The following CASD1 variants were observed in gnomAD, a reference collection of about 807,000 sequenced individuals.
The protein encoded by CASD1 is N-acetylneuraminate (7)9-O-acetyltransferase.
A neutral mutation model predicts 100.0 loss-of-function variants in CASD1; 41 were observed. The observed-to-expected ratio is 0.41, with a 90% CI of 0.32 to 0.53. The LOEUF is 0.53. CASD1 is among the 20% of genes least tolerant of loss of function. The probability of loss-of-function intolerance (pLI) is 0.25; values close to 1 mark genes in which losing one functional copy is unlikely to be tolerated. For missense variants in CASD1, 774 were observed against 948.7 expected (o/e 0.82, Z 2.42); for synonymous variants, 321 against 315.6 (o/e 1.02, Z -0.18).
intron 17 of CASD1, 104 bp from the exon 18 acceptor site, chr7:94,555,388 A>G: frequency 8.8e-7 from 1 of 1,136,016 alleles, no homozygotes; most frequent in South Asian, 1.6e-5. Flanking sequence ...GTTTTAGGAA[A>G]GCCTTCTAAT....
chr7:94,521,472 G>A (rs1022400898), intron 3 of CASD1, among the ~76,000 whole-genome samples: 2 of 152,116 alleles, frequency 1.3e-5, no homozygotes, highest in African/African-American at 4.8e-5. Context: ...CACAATTAAA[G>A]TGTTCTAATG....
chr7:94,522,978 G>T (rs552163685), intron 3 of CASD1, among the ~76,000 whole-genome samples: 2 of 152,060 alleles, frequency 1.3e-5, no homozygotes, highest in Non-Finnish European at 2.9e-5. Context: ...TATTTTTAAC[G>T]TGTATTACAC....
At chr7:94,554,810 CA>C (rs1388640908) in intron 17 of CASD1, among the ~76,000 whole-genome samples, 3 of 152,010 alleles carry the variant, frequency 2.0e-5, no homozygotes, top group African/African-American at 7.2e-5. Flanking sequence ...AGATTACTTG[CA>C]AAATATTATT....
the CASD1 span, chr7:94,585,380 C>T: frequency 1.1e-6 from 1 of 886,622 alleles, no homozygotes; most frequent in South Asian, 1.4e-5. Flanking sequence ...ACACTTAATA[C>T]TGCCAACATG....
the CASD1 span, among the ~76,000 whole-genome samples, chr7:94,612,595 A>G: frequency 6.6e-6 from 1 of 152,198 alleles, no homozygotes; most frequent in Non-Finnish European, 1.5e-5. Flanking sequence ...GAAGTTATAA[A>G]TAATATTACA....
chr7:94,523,640 G>A (rs556728031), intron 3 of CASD1, among the ~76,000 whole-genome samples: 5 of 152,148 alleles, frequency 3.3e-5, no homozygotes, highest in Non-Finnish European at 5.9e-5. Context: ...TTCCCAAACC[G>A]ATCTGTAGGT....
At chr7:94,545,465 A>C (rs906547094) in intron 11 of CASD1, 80 bp from the exon 12 acceptor site, 4 of 1,038,610 alleles carry the variant, frequency 3.9e-6, no homozygotes, top group African/African-American at 1.6e-5. Flanking sequence ...TGTCAGAGAA[A>C]ATCTGCCTTT....
At chr7:94,608,512 G>T in the CASD1 span, among the ~76,000 whole-genome samples, 2 of 152,248 alleles carry the variant, frequency 1.3e-5, no homozygotes, top group South Asian at 2.1e-4. Flanking sequence ...ATTAATTATA[G>T]ATTCAATGTA....
the CASD1 span, among the ~76,000 whole-genome samples, chr7:94,604,123 T>G: frequency 0.012 from 1,806 of 152,124 alleles, 34 homozygotes; most frequent in African/African-American, 0.041. Flanking sequence ...TGGGGAAAGA[T>G]CTCTACTTAA....
chr7:94,578,341 G>A, the CASD1 span, among the ~76,000 whole-genome samples: 4,123 of 152,102 alleles, frequency 0.027, 87 homozygotes, highest in South Asian at 0.068. Context: ...ATAGGACTCC[G>A]TTTACATCTC....
At chr7:94,536,074 C>G (rs2116328350) in intron 8 of CASD1, among the ~76,000 whole-genome samples, 1 of 152,228 alleles carries the variant, frequency 6.6e-6, no homozygotes, top group Non-Finnish European at 1.5e-5. Context: ...GAAACCCCAT[C>G]TCTACTAAAA....
At chr7:94,564,779 T>C in the CASD1 span, among the ~76,000 whole-genome samples, 8 of 152,132 alleles carry the variant, frequency 5.3e-5, no homozygotes, top group African/African-American at 1.9e-4. Flanking sequence ...GGCTGGTTAC[T>C]CTCCTTTTAA....
At chr7:94,614,419 C>T in the CASD1 span, among the ~76,000 whole-genome samples, 2 of 152,192 alleles carry the variant, frequency 1.3e-5, no homozygotes, top group African/African-American at 4.8e-5. Flanking sequence ...GTCCCTAATG[C>T]TTCAGGATGA....
At chr7:94,532,941 C>CT (rs201035184) in intron 5 of CASD1, among the ~76,000 whole-genome samples, 1,750 of 151,794 alleles carry the variant, frequency 0.012, 35 homozygotes, top group African/African-American at 0.04. Flanking sequence ...TTCAGTGGTG[C>CT]TTTTTTTTAA....
At chr7:94,630,793 A>C in the CASD1 span, among the ~76,000 whole-genome samples, 1 of 151,936 alleles carries the variant, frequency 6.6e-6, no homozygotes, top group African/African-American at 2.4e-5. Flanking sequence ...CTTTCTTTTA[A>C]GTCATTAATG....
chr7:94,560,774 T>C (rs1378238110), downstream of CASD1, among the ~76,000 whole-genome samples: 1 of 151,916 alleles, frequency 6.6e-6, no homozygotes. Context: ...GGGGTGAGAG[T>C]GATAAATTCC....
the CASD1 span, among the ~76,000 whole-genome samples, chr7:94,581,256 A>G: frequency 6.6e-6 from 1 of 152,294 alleles, no homozygotes; most frequent in African/African-American, 2.4e-5. Flanking sequence ...CCAACTAAAA[A>G]TCTCACTGGC....
chr7:94,544,541 A>G lies in CASD1; in HGVS notation c.1476+11A>G, dbSNP rs1795579466. The stretch of plus-strand genomic sequence containing the variant: ...TATAGAGTATGTCAGGTAGGAATGC[A>G]CTGTTATTTCCTTTTCTTCCAGTTG... On this transcript the variant is annotated intron_variant, in intron 11 of 17. Coordinates refer to ENST00000297273, the MANE Select transcript of CASD1 (RefSeq NM_022900.5). The G allele has an allele frequency of 6.2e-7, 1 of 1,606,442 alleles. No homozygotes were observed. Among genetic ancestry groups the G allele is most frequent in the African/African-American group, 1.3e-5 (1 of 74,646 alleles).
At chr7:94,562,617 TAC>T in the CASD1 span, among the ~76,000 whole-genome samples, 1 of 151,228 alleles carries the variant, frequency 6.6e-6, no homozygotes, top group South Asian at 2.1e-4. Context: ...TTTCAGTCGA[TAC>T]AGTTTCCTTT....
Sources: gnomAD v4.1 joint callset for allele counts (sites outside exome capture counted in the v4.1 genomes callset) on GRCh38, gnomAD v4.1.1 for gene constraint, MANE v1.5 for transcripts, NCBI Gene and HGNC (gene_info 2026-07-23, HGNC 2026-07-21) for gene names.